The following TPGS2 variants were observed in gnomAD, a reference collection of about 807,000 sequenced individuals.
TPGS2 encodes the protein polyglutamylase subunit 2.
A neutral mutation model predicts 31.1 loss-of-function variants in TPGS2; 26 were observed. The ratio of observed to expected loss-of-function variants is 0.84; its 90% CI spans 0.61 to 1.16. The LOEUF (loss-of-function observed/expected upper bound fraction) is 1.16, where lower values mean the gene tolerates loss of function less well. TPGS2 is among the 50% of genes most tolerant of loss of function. The pLI is 0.00. For synonymous variants in TPGS2, 130 were observed against 136.6 expected, an observed-to-expected ratio of 0.95 and a Z score of 0.34; for missense variants, 351 against 363.8, an observed-to-expected ratio of 0.96 and a Z score of 0.29.
At chr18:36,781,503 T>G (rs1245511910), downstream of TPGS2, among the ~76,000 whole-genome samples, 1 of 152,004 alleles carries the variant, frequency 6.6e-6, no homozygotes, top group Non-Finnish European at 1.5e-5. Flanking sequence ...AATATAAATA[T>G]TAGCTGGGTG....
chr18:36,805,132 A>G (rs1189264274), intron 4 of TPGS2, among the ~76,000 whole-genome samples: 1 of 152,256 alleles, frequency 6.6e-6, no homozygotes, highest in South Asian at 2.1e-4. Flanking sequence ...CCTAGGTTTT[A>G]GCAGCCACTT....
chr18:36,788,496 C>G (rs140098092), intron 6 of TPGS2, among the ~76,000 whole-genome samples: 1 of 152,254 alleles, frequency 6.6e-6, no homozygotes, highest in Non-Finnish European at 1.5e-5. Context: ...GCTGTTTTTC[C>G]AGAGGTTTAA....
At chr18:36,808,193 C>CA (rs1195730098) in intron 2 of TPGS2, among the ~76,000 whole-genome samples, 1 of 151,958 alleles carries the variant, frequency 6.6e-6, no homozygotes, top group Non-Finnish European at 1.5e-5. Flanking sequence ...AGCCACCTGG[C>CA]AAAGGAGCTC....
At position 36,794,794 on chromosome 18, in the gene TPGS2, G is replaced by A; in HGVS notation, c.*2011C>T. ...CCTAAACAACTAAAAGGGCCAAAAT[G>A]TCTCCTAGAGAATATGTGACAGTCA... is the stretch of plus-strand genomic sequence containing the variant. On this transcript the variant is annotated 3_prime_UTR_variant, in exon 7 of 7. Transcript: ENST00000334295. 1 of 982,270 alleles carries A rather than the reference G, an allele frequency of 1.0e-6. No individual in the cohort carries two copies. Among genetic ancestry groups the A allele is most frequent in the Non-Finnish European group, 1.2e-6 (1 of 829,614 alleles). The allele number at this position is 982,270 out of a possible 1,614,324, so 60.8% of individuals were successfully genotyped here.
rs545955357 is a variant in TPGS2, at chr18:36,813,520, T to C, written c.165+5374A>G. ...ACCCTGTCACCTGTTTTTGTAAAAA[T>C]GTTTCATTTGAACACAGTCACACAC... On this transcript the variant is annotated intron_variant, in intron 2 of 6. Transcript: ENST00000334295. Among the ~76,000 whole-genome samples, 10 of 152,336 alleles carry C rather than the reference T, an allele frequency of 6.6e-5. No homozygotes were observed. The South Asian group carries it at 2.1e-3, about 32-fold the overall frequency.
chr18:36,802,933 T>C (rs2044905091), intron 4 of TPGS2, among the ~76,000 whole-genome samples: 1 of 152,132 alleles, frequency 6.6e-6, no homozygotes, highest in Non-Finnish European at 1.5e-5. Context: ...GCCCTCTTTT[T>C]TCTTGATTAA....
At chr18:36,798,371 G>A in intron 6 of TPGS2, 78 bp downstream of exon 6, 2 of 1,594,440 alleles carry the variant, frequency 1.3e-6, no homozygotes, top group Non-Finnish European at 1.7e-6. Context: ...AGGGAAGTTG[G>A]GAACCTGCAA....
At chr18:36,798,200 A>C in intron 6 of TPGS2, 2 of 1,338,914 alleles carry the variant, frequency 1.5e-6, no homozygotes, top group South Asian at 3.6e-5. Flanking sequence ...TATCCAACAG[A>C]ATTTCATTAA....
At chr18:36,808,439 C>G (rs572845434) in intron 2 of TPGS2, among the ~76,000 whole-genome samples, 1 of 152,140 alleles carries the variant, frequency 6.6e-6, no homozygotes, top group Non-Finnish European at 1.5e-5. Context: ...GAGATGGAGA[C>G]CATCTTGGCT....
intron 4 of TPGS2, among the ~76,000 whole-genome samples, chr18:36,800,836 T>C (rs1030659832): frequency 3.3e-5 from 5 of 152,068 alleles, no homozygotes; most frequent in African/African-American, 1.2e-4. Context: ...ACTACCGGCA[T>C]GTGCCACCAC....
At chr18:36,817,504 T>G (rs1364384945) in intron 2 of TPGS2, 1 of 151,808 alleles carries the variant, frequency 6.6e-6, no homozygotes, top group Non-Finnish European at 1.5e-5. Flanking sequence ...GGTGTGATCA[T>G]AGCTCACTGC....
downstream of TPGS2, among the ~76,000 whole-genome samples, chr18:36,790,529 G>A (rs1285033200): frequency 7.9e-5 from 12 of 152,178 alleles, no homozygotes; most frequent in Admixed American, 6.5e-5. Flanking sequence ...GAACCACAAA[G>A]GTACACTGTC....
downstream of TPGS2, among the ~76,000 whole-genome samples, chr18:36,792,027 CAAAAAA>C (rs754114446): frequency 1.2e-5 from 1 of 83,968 alleles, no homozygotes; most frequent in Non-Finnish European, 2.5e-5. Context: ...GACCCTGTCT[CAAAAAA>C]AAAAAAAAAA....
downstream of TPGS2, chr18:36,781,741 A>G (rs761767490): frequency 4.1e-6 from 4 of 984,536 alleles, no homozygotes; most frequent in Admixed American, 6.1e-5. Context: ...GCCAAAGACT[A>G]TATTTTCCCC....
intron 1 of TPGS2, chr18:36,823,767 T>C (rs1338098425): frequency 1.0e-6 from 1 of 961,034 alleles, no homozygotes; most frequent in East Asian, 1.2e-4. Context: ...GCCAACAGCT[T>C]GTTTTAAAGG....
rs2044513518 is a variant in TPGS2, at chr18:36,796,092, T to C, written c.*713A>G. 13 of 985,418 alleles carry C rather than the reference T, an allele frequency of 1.3e-5. No individual in the cohort carries two copies. In the South Asian group the frequency reaches 6.1e-4, roughly 46 times the overall value. 61.0% of individuals were successfully genotyped at this position (985,418 alleles called of 1,614,324 possible). On this transcript the variant is annotated 3_prime_UTR_variant, in exon 7 of 7. Transcript: ENST00000334295. ...AAACTGATGAGGAAGACAAACTTTATAGGAAGCTGCAAAAGAAATGAGCAG... is the reference window on the plus strand; with the variant it reads ...AAACTGATGAGGAAGACAAACTTTACAGGAAGCTGCAAAAGAAATGAGCAG...
intron 2 of TPGS2, among the ~76,000 whole-genome samples, chr18:36,818,285 G>A (rs1437742951): frequency 2.0e-5 from 3 of 151,844 alleles, no homozygotes; most frequent in Non-Finnish European, 2.9e-5. Flanking sequence ...ACTCAGGCCA[G>A]TTAGTAATTA....
chr18:36,786,909 T>C (rs1282870280), intron 6 of TPGS2: 16 of 1,234,390 alleles, frequency 1.3e-5, no homozygotes, highest in Middle Eastern at 4.1e-4. Flanking sequence ...TGCTGTTGGA[T>C]TGGCGCCTGC....
chr18:36,800,758 C>T (rs572171469), intron 4 of TPGS2, among the ~76,000 whole-genome samples: 3 of 150,994 alleles, frequency 2.0e-5, no homozygotes, highest in Admixed American at 6.6e-5. Context: ...GGCATAATCT[C>T]GGCTCACTGC....
Sources: gnomAD v4.1 joint callset for allele counts (sites outside exome capture counted in the v4.1 genomes callset) on GRCh38, gnomAD v4.1.1 for gene constraint, MANE v1.5 for transcripts, NCBI Gene and HGNC (gene_info 2026-07-23, HGNC 2026-07-21) for gene names.